The following PILRA variants were observed in gnomAD, a reference collection of about 807,000 sequenced individuals.
PILRA encodes paired immunoglobin like type 2 receptor alpha, also known as paired immunoglobulin-like type 2 receptor alpha.
A neutral mutation model predicts 33.1 loss-of-function variants in PILRA; 37 were observed. That is an observed-to-expected ratio of 1.12 (90% CI 0.86 to 1.47). The LOEUF is 1.47. PILRA is among the 40% of genes most tolerant of loss of function. PILRA has a pLI of 0.00. For missense variants in PILRA, 312 were observed against 376.2 expected (o/e 0.83, Z 1.41); for synonymous variants, 146 against 149.9 (o/e 0.97, Z 0.19).
At chr7:100,398,814 T>C (rs1371929457) in intron 4 of PILRA, among the ~76,000 whole-genome samples, 1 of 152,082 alleles carries the variant, frequency 6.6e-6, no homozygotes, top group East Asian at 1.9e-4. Flanking sequence ...AGATTGCCCC[T>C]AATTCCTCTT....
At chr7:100,384,766 C>T (rs921770846) in intron 2 of PILRA, among the ~76,000 whole-genome samples, 8 of 152,110 alleles carry the variant, frequency 5.3e-5, no homozygotes, top group Non-Finnish European at 7.4e-5. Flanking sequence ...CCAGCTTGGG[C>T]GACAGAGGAA....
chr7:100,378,341 G>A (rs1456815539), intron 2 of PILRA, among the ~76,000 whole-genome samples: 2 of 152,140 alleles, frequency 1.3e-5, no homozygotes, highest in African/African-American at 2.4e-5. Flanking sequence ...GGCAGAGCAA[G>A]ACCCTGTCTT....
At chr7:100,392,388 G>A (rs916569908) in intron 3 of PILRA, among the ~76,000 whole-genome samples, 2 of 152,144 alleles carry the variant, frequency 1.3e-5, no homozygotes, top group Non-Finnish European at 2.9e-5. Flanking sequence ...TCACACCTTC[G>A]CCAGGGAAAC....
chr7:100,397,944 G>C lies in PILRA; in HGVS notation c.707+32G>C, dbSNP rs773886655. ...GCTGGGCCTCCCCAGGGTGGGTTGG[G>C]GGGTGCATGTGCAGGCAGTGGGCTG... On this transcript the variant is annotated intron_variant, in intron 4 of 6. Transcript: ENST00000198536. 6 of 1,611,190 alleles carry C rather than the reference G, an allele frequency of 3.7e-6. No homozygotes were observed. The South Asian group carries it at 5.5e-5, about 15-fold the overall frequency.
chr7:100,384,458 C>T (rs1285079574), intron 2 of PILRA, among the ~76,000 whole-genome samples: 1 of 146,226 alleles, frequency 6.8e-6, no homozygotes, highest in Non-Finnish European at 1.5e-5. Flanking sequence ...GACGGAGTCT[C>T]ACTCTGTCAC....
At chr7:100,381,029 G>A (rs1404572043) in intron 2 of PILRA, among the ~76,000 whole-genome samples, 1 of 151,834 alleles carries the variant, frequency 6.6e-6, no homozygotes, top group African/African-American at 2.4e-5. Flanking sequence ...CACTTTGGGA[G>A]GCTGAGGCGG....
At chr7:100,372,603 T>TG (rs1790845315), upstream of PILRA, among the ~76,000 whole-genome samples, 1 of 152,110 alleles carries the variant, frequency 6.6e-6, no homozygotes, top group Non-Finnish European at 1.5e-5. Context: ...GGACTGTGTG[T>TG]GGGGTGGGTG....
At chr7:100,372,314 G>C (rs967908553), upstream of PILRA, among the ~76,000 whole-genome samples, 5 of 152,136 alleles carry the variant, frequency 3.3e-5, no homozygotes, top group Non-Finnish European at 5.9e-5. Flanking sequence ...GGGCGGGCCG[G>C]CCTGGCTGGC....
chr7:100,372,573 C>T (rs1790844184), upstream of PILRA, among the ~76,000 whole-genome samples: 2 of 152,214 alleles, frequency 1.3e-5, no homozygotes, highest in Admixed American at 6.5e-5. Flanking sequence ...GCCGGCAGAT[C>T]CCCGTTAGAG....
At chr7:100,392,893 T>A (rs1791416780) in intron 3 of PILRA, among the ~76,000 whole-genome samples, 1 of 151,832 alleles carries the variant, frequency 6.6e-6, no homozygotes, top group African/African-American at 2.4e-5. Context: ...AGAAAAAAAA[T>A]AACCCTAGTA....
chr7:100,371,315 A>G (rs1421894461), upstream of PILRA, among the ~76,000 whole-genome samples: 1 of 152,198 alleles, frequency 6.6e-6, no homozygotes, highest in Non-Finnish European at 1.5e-5. Context: ...GAAGTCAGGT[A>G]TTATAAATCT....
rs553057992 is a variant in PILRA, at chr7:100,374,356, G to T, written c.377G>T (p.Arg126Leu). ...QKQDQSVYFC[R>L]VELDTRSSGR... ...CAGGACCAGTCTGTGTATTTCTGCC[G>T]AGTTGAGCTGGACACACGGAGCTCA... Residue 126 changes from arginine to leucine, a missense_variant, in exon 2 of 7, where the codon CGA becomes CTA. By Grantham distance (102) the Arg-to-Leu change is moderately radical. Coordinates refer to ENST00000198536, the MANE Select transcript of PILRA (RefSeq NM_013439.3). 3 of 1,613,964 alleles carry T rather than the reference G, an allele frequency of 1.9e-6. No homozygotes were observed. The highest frequency in any genetic ancestry group is 2.7e-5 in the African/African-American group (2 of 74,872).
intron 2 of PILRA, among the ~76,000 whole-genome samples, chr7:100,376,761 CTTTT>C (rs34944697): frequency 1.7e-4 from 13 of 75,020 alleles, no homozygotes; most frequent in Non-Finnish European, 2.5e-4. Context: ...CTTGCTCTGC[CTTTT>C]TTTTTTTTTT....
chr7:100,387,705 C>A (rs1192981914), intron 2 of PILRA, among the ~76,000 whole-genome samples: 1 of 152,130 alleles, frequency 6.6e-6, no homozygotes, highest in Non-Finnish European at 1.5e-5. Context: ...GTCCAAAAAA[C>A]CCAAAAGACA....
At chr7:100,399,391 T>G in intron 5 of PILRA, 51 bp downstream of exon 5, 1 of 1,504,506 alleles carries the variant, frequency 6.6e-7, no homozygotes, top group South Asian at 1.1e-5. Context: ...GCACTTCCTG[T>G]TTCCCCAAAT....
At chr7:100,377,215 T>TGA in intron 2 of PILRA, among the ~76,000 whole-genome samples, 1 of 151,594 alleles carries the variant, frequency 6.6e-6, no homozygotes, top group South Asian at 2.1e-4. Flanking sequence ...TGTTCTTCTT[T>TGA]GTCACTTTTC....
Position 100,399,763 on chromosome 7 carries a change from TTCTC to T in PILRA, c.790-18_790-15del, listed in dbSNP as rs1277043870. 1 of 1,610,634 alleles carries T rather than the reference TTCTC, an allele frequency of 6.2e-7. No homozygotes were observed. Among genetic ancestry groups the T allele is most frequent in the Admixed American group, 1.7e-5 (1 of 59,636 alleles). On this transcript the variant is annotated intron_variant, in intron 6 of 6. Coordinates refer to ENST00000198536, the MANE Select transcript of PILRA (RefSeq NM_013439.3). ...AGCTCCGTCTCCACTGTCTAACCCT[TTCTC>T]TCTGGGTTCTCGCCCAGGATGACGG...
In PILRA at chr7:100,389,898, C is replaced by A; in HGVS notation, c.465C>A (p.Thr155=). 6.2e-7 allele frequency: 1 copy of A among 1,613,956 alleles called. No individual in the cohort carries two copies. Among genetic ancestry groups the A allele is most frequent in the Non-Finnish European group, 8.5e-7 (1 of 1,179,952 alleles). Residue 155 remains threonine, a synonymous_variant, in exon 3 of 7, where the codon ACC becomes ACA. Coordinates refer to ENST00000198536, the MANE Select transcript of PILRA (RefSeq NM_013439.3). ...CTCATCTCTCCCCAGCTGTCACGAC[C>A]ACCACCCAGAGGCCCAGCAGCATGA... ...TKLSITQAVT[T]TTQRPSSMTT... is the part of the protein sequence containing the mutation.
Position 100,374,258 on chromosome 7 carries a change from T to C in PILRA, c.279T>C (p.Tyr93=), listed in dbSNP as rs1241517809. The C allele has an allele frequency of 1.2e-6, 2 of 1,614,028 alleles. No homozygotes were observed. The highest frequency in any genetic ancestry group is 1.6e-4 in the Middle Eastern group (1 of 6,084). The change falls in exon 2 of 7, where the codon TAT becomes TAC. Residue 93 remains tyrosine, a synonymous_variant. Coordinates refer to ENST00000198536, the MANE Select transcript of PILRA (RefSeq NM_013439.3). The part of the protein sequence containing the change: ...STRPPSIHKD[Y]VNRLFLNWTE... Reference sequence around the variant, plus strand: ...GGCCGCCTTCCATTCACAAGGATTATGTGAACCGGCTCTTTCTGAACTGGA... The same window carrying C: ...GGCCGCCTTCCATTCACAAGGATTACGTGAACCGGCTCTTTCTGAACTGGA...
Sources: allele counts gnomAD v4.1 joint callset (sites outside exome capture counted in the v4.1 genomes callset), GRCh38; gene constraint gnomAD v4.1.1; transcripts MANE v1.5; gene names NCBI Gene and HGNC (gene_info 2026-07-23, HGNC 2026-07-21).